Variants in MUC4 observed in about 807,000 individuals in gnomAD.
The protein encoded by MUC4 is mucin 4, cell surface associated, also known as mucin-4.
Under a neutral mutation model 257.9 loss-of-function variants are expected in MUC4, and 202 were observed. The observed-to-expected ratio is 0.78, with a 90% CI of 0.70 to 0.88. The LOEUF (loss-of-function observed/expected upper bound fraction) is 0.88. MUC4 is among the 40% of genes least tolerant of loss of function. The pLI is 0.00. For synonymous variants in MUC4, 2,351 were observed against 2,757.1 expected (o/e 0.85, Z 4.62); for missense variants, 5,976 against 6,513.7 (o/e 0.92, Z 2.84).
At chr3:195,805,066 CT>C (rs10643598) in intron 1 of MUC4, among the ~76,000 whole-genome samples, 9 of 147,272 alleles carry the variant, frequency 6.1e-5, no homozygotes, top group South Asian at 2.1e-4. Context: ...TTATCTTTAT[CT>C]TTTTTTTTTT....
In MUC4 at chr3:195,750,881, G is replaced by A. The variant is rs746168261; in HGVS notation, c.15871+8C>T. On this transcript the variant is annotated splice_region_variant and intron_variant, in intron 23 of 24. Coordinates refer to ENST00000463781, the MANE Select transcript of MUC4 (RefSeq NM_018406.7). ...CCCCCATAGTGTCCCCGGAATGGAC[G>A]GACTCACGGGCTGTCACATCGCGCA... The A allele has an allele frequency of 2.2e-5, 36 of 1,612,364 alleles. No homozygotes were observed. Among genetic ancestry groups the A allele is most frequent in the Middle Eastern group, 1.9e-4 (1 of 5,372 alleles).
Position 195,799,229 on chromosome 3 carries a change from C to CTGTGTGTGTGTGTG in MUC4, c.83-7746_83-7733dup, listed in dbSNP as rs56897401. Among the ~76,000 whole-genome samples, 721 of 120,174 alleles carry CTGTGTGTGTGTGTG rather than the reference C, an allele frequency of 6.0e-3. 9 individuals are homozygous for CTGTGTGTGTGTGTG. Among genetic ancestry groups the CTGTGTGTGTGTGTG allele is most frequent in the African/African-American group, 0.017 (654 of 37,996 alleles). The allele number at this position is 120,174 out of a possible 152,430, so 78.8% of individuals were successfully genotyped here. On this transcript the variant is annotated intron_variant, in intron 1 of 24. Coordinates refer to ENST00000463781, the MANE Select transcript of MUC4 (RefSeq NM_018406.7). ...GTGTTGCTAGTATGTATGTGTGACA[C>CTGTGTGTGTGTGTG]TGTGTGTGTGTGTGTGTGTGTGTGT...
chr3:195,764,842 CT>C (rs1720076225), intron 10 of MUC4, among the ~76,000 whole-genome samples, 154 bp downstream of exon 10: 1 of 152,124 alleles, frequency 6.6e-6, no homozygotes, highest in Non-Finnish European at 1.5e-5. Context: ...CGAATGTCCG[CT>C]GGTGGGGATG....
At chr3:195,765,239 G>A in intron 9 of MUC4, 31 bp downstream of exon 9, 1 of 1,594,232 alleles carries the variant, frequency 6.3e-7, no homozygotes, top group Non-Finnish European at 8.6e-7. Context: ...GGTGGTGGGT[G>A]GGCTTGTGGG....
chr3:195,775,859 G>C (rs796540305), intron 3 of MUC4, among the ~76,000 whole-genome samples: 1,217 of 58,300 alleles, frequency 0.021, 5 homozygotes, highest in Middle Eastern at 0.042. Flanking sequence ...ACCTTCCACG[G>C]CCATACCTTC....
At chr3:195,759,289 C>T in intron 16 of MUC4, 28 bp from the exon 17 acceptor site, 1 of 1,611,306 alleles carries the variant, frequency 6.2e-7, no homozygotes, top group Non-Finnish European at 8.5e-7. Context: ...AATGGGGGTT[C>T]CGAGGCAGGA....
In MUC4 at chr3:195,782,567, G is replaced by C. The variant is rs1262538202; in HGVS notation, c.9013C>G (p.His3005Asp). Residue 3005 changes from histidine (H) to aspartate (D), a missense_variant, in exon 2 of 25, where the codon CAC (histidine) becomes GAC (aspartate). This residue lies in a region of MUC4 where 68 missense variants were observed against 50.2 expected (regional missense o/e 1.35). Transcript: ENST00000463781. The part of the protein sequence containing the change: ...VTDTSSASIG[H>D]ATSLPVTDTS... ...TCGGTGACAGGAAGAGAGGTGGCGT[G>C]ACCTATGGATGCTGAGGAAGTGTCG... 1.2e-5 allele frequency: 11 copies of C among 914,164 alleles called. 2 individuals are homozygous for C. Among genetic ancestry groups the C allele is most frequent in the Middle Eastern group, 7.1e-4 (2 of 2,836 alleles). The allele number at this position is 914,164 out of a possible 1,614,324, so 56.6% of individuals were successfully genotyped here.
At chr3:195,775,144 C>A (rs1276550966) in intron 3 of MUC4, among the ~76,000 whole-genome samples, 6 of 152,096 alleles carry the variant, frequency 3.9e-5, no homozygotes, top group Non-Finnish European at 8.8e-5. Context: ...TGGAAACCCG[C>A]AGGCTCTCCT....
intron 1 of MUC4, among the ~76,000 whole-genome samples, chr3:195,807,754 A>G (rs1404855868): frequency 2.0e-5 from 3 of 152,242 alleles, no homozygotes; most frequent in African/African-American, 7.2e-5. Context: ...AGCACCGTGA[A>G]ATCAGAGAAA....
intron 4 of MUC4, 32 bp from the exon 5 acceptor site, chr3:195,771,848 G>C (rs1722950225): frequency 1.2e-6 from 2 of 1,606,568 alleles, no homozygotes; most frequent in Non-Finnish European, 1.7e-6. Context: ...TCAGCATTCA[G>C]GGAGGGAAGT....
At chr3:195,748,514 A>G (rs1715628603) in intron 24 of MUC4, among the ~76,000 whole-genome samples, 2 of 152,276 alleles carry the variant, frequency 1.3e-5, no homozygotes, top group African/African-American at 4.8e-5. Context: ...CAGTGAGCCG[A>G]GAACGCACCA....
chr3:195,779,307 G>A lies in MUC4; in HGVS notation c.12273C>T (p.Thr4091=), dbSNP rs182908415. Residue 4091 remains threonine (T), a synonymous_variant, in exon 2 of 25, where the codon ACC becomes ACT. Coordinates refer to ENST00000463781, the MANE Select transcript of MUC4 (RefSeq NM_018406.7). ...LPVTDASSAS[T]GHATPLPLTS... is the part of the protein sequence containing the mutation. ...TGAGAGGAAGAGGGGTGGCGTGACC[G>A]GTGGATGCTGAGGAAGCATCGGTGA... The A allele has an allele frequency of 3.0e-5, 25 of 821,932 alleles. 8 individuals carry two copies. The Admixed American group carries it at 8.1e-4, about 27-fold the overall frequency. 50.9% of individuals were successfully genotyped at this position (821,932 alleles called of 1,614,324 possible).
intron 17 of MUC4, 140 bp downstream of exon 17, chr3:195,758,984 G>T (rs1281600942): frequency 4.1e-6 from 5 of 1,218,704 alleles, no homozygotes; most frequent in Non-Finnish European, 1.2e-6. Context: ...TCGCTCCTCG[G>T]AAATGCCGGT....
rs771641595 is a variant in MUC4 at position 195,791,451 on chromosome 3, T to C, written c.129A>G (p.Pro43=). The C allele has an allele frequency of 1.9e-6, 3 of 1,613,966 alleles. No homozygotes were observed. Among genetic ancestry groups the C allele is most frequent in the Non-Finnish European group, 1.7e-6 (2 of 1,179,876 alleles). ...TLITGSKTAA[P]VTSTGSTTAT... is the part of the protein sequence containing the mutation. ...CTGTTGTTGAGCCTGTTGAGGTGAC[T>C]GGGGCAGCAGTTTTACTTCCAGTTA... The change falls in exon 2 of 25, where the codon CCA becomes CCG. Residue 43 remains proline, a synonymous_variant. Coordinates refer to ENST00000463781, the MANE Select transcript of MUC4 (RefSeq NM_018406.7).
intron 1 of MUC4, among the ~76,000 whole-genome samples, chr3:195,794,777 C>T (rs929914985): frequency 3.3e-5 from 5 of 152,194 alleles, no homozygotes; most frequent in East Asian, 1.9e-4. Flanking sequence ...AATTCGCCAC[C>T]TTCTCTTCTT....
rs776520235 is a variant in MUC4, at chr3:195,780,460, G to A, written c.11120C>T (p.Ser3707Leu). ...GACAGGAAGAGGGGTGGTGTGACCTGAGGATGATGAGGAAGGGATGGTGAC... is the reference window on the plus strand; with the variant it reads ...GACAGGAAGAGGGGTGGTGTGACCTAAGGATGATGAGGAAGGGATGGTGAC... ...LPVTIPSSSS[S>L]GHTTPLPVTS... Residue 3707 changes from serine to leucine, a missense_variant, in exon 2 of 25, where the codon TCA (serine) becomes TTA (leucine). Ser to Leu is a moderately radical substitution (Grantham distance 145). Transcript: ENST00000463781. 42 of 1,525,578 alleles carry A rather than the reference G, an allele frequency of 2.8e-5. No homozygotes were observed. Among genetic ancestry groups the A allele is most frequent in the African/African-American group, 2.7e-4 (17 of 63,450 alleles). The allele number at this position is 1,525,578 out of a possible 1,614,324, so 94.5% of individuals were successfully genotyped here.
At position 195,767,692 on chromosome 3, in the gene MUC4, C is replaced by CAT. The variant is rs1560263497; in HGVS notation, c.13530-942_13530-941insAT. Among the ~76,000 whole-genome samples, 13 of 2,744 alleles carry CAT rather than the reference C, an allele frequency of 4.7e-3. 3 individuals carry two copies. The highest frequency in any genetic ancestry group is 7.6e-3 in the Admixed American group (3 of 396). 1.8% of individuals were successfully genotyped at this position (2,744 alleles called of 152,430 possible). A position where few individuals can be genotyped will look rare whatever the true frequency, so the allele number is the denominator to read the frequency against. On this transcript the variant is annotated intron_variant, in intron 7 of 24. Transcript: ENST00000463781. ...CACCATCACCACCATCACTGGCCAC[C>CAT]CCCCAAAAAATACCACCATCGGCCA...
chr3:195,808,145 C>T (rs974733586), intron 1 of MUC4, among the ~76,000 whole-genome samples: 2 of 152,308 alleles, frequency 1.3e-5, no homozygotes, highest in Middle Eastern at 3.4e-3. Flanking sequence ...GACCCTGGGC[C>T]GACACAAGTG....
Position 195,765,253 on chromosome 3 carries a change from C to T in MUC4, c.13798+17G>A, listed in dbSNP as rs1448095757. 18 of 1,588,442 alleles carry T rather than the reference C, an allele frequency of 1.1e-5. No homozygotes were observed. Among genetic ancestry groups the T allele is most frequent in the African/African-American group, 5.5e-5 (4 of 73,206 alleles). Reference sequence around the variant, plus strand: ...GGGTGGTGGGTGGGCTTGTGGGGGGCGGGAAGGAGGTGTCACCTATGCTGA... The same window carrying T: ...GGGTGGTGGGTGGGCTTGTGGGGGGTGGGAAGGAGGTGTCACCTATGCTGA... On this transcript the variant is annotated intron_variant, in intron 9 of 24. Coordinates refer to ENST00000463781, the MANE Select transcript of MUC4 (RefSeq NM_018406.7).
Sources: allele counts gnomAD v4.1 joint callset (sites outside exome capture counted in the v4.1 genomes callset), GRCh38; gene constraint gnomAD v4.1.1; regional missense constraint gnomAD v4.1.1; transcripts MANE v1.5; gene names NCBI Gene and HGNC (gene_info 2026-07-23, HGNC 2026-07-21).